The following AKT3 variants were observed in gnomAD, a reference collection of about 807,000 sequenced individuals.
The protein encoded by AKT3 is AKT serine/threonine kinase 3.
AKT3 carries 15 observed loss-of-function variants against 65.3 expected under a neutral mutation model. The ratio of observed to expected loss-of-function variants is 0.23; its 90% CI spans 0.15 to 0.35. The LOEUF is 0.35. Among genes scored for constraint, AKT3 ranks in the 10% least tolerant of loss-of-function variants. The probability of loss-of-function intolerance (pLI) is 1.00; values close to 1 mark genes in which losing one functional copy is unlikely to be tolerated. For synonymous variants in AKT3, 206 were observed against 183.8 expected (o/e 1.12, Z -0.98); for missense variants, 243 against 576.5 (o/e 0.42, Z 5.92).
intron 5 of AKT3, among the ~76,000 whole-genome samples, chr1:243,641,314 A>T (rs1427111111): frequency 1.3e-5 from 2 of 149,852 alleles, no homozygotes; most frequent in Non-Finnish European, 3.0e-5. Context: ...ATACATATAT[A>T]CACACATATA....
chr1:243,725,786 C>T (rs1479089716), intron 2 of AKT3, among the ~76,000 whole-genome samples: 1 of 152,042 alleles, frequency 6.6e-6, no homozygotes, highest in African/African-American at 2.4e-5. Context: ...ATAATTTCGA[C>T]GATTTAATGA....
intron 9 of AKT3, among the ~76,000 whole-genome samples, chr1:243,566,620 A>G (rs1362989296): frequency 6.6e-6 from 1 of 152,188 alleles, no homozygotes; most frequent in African/African-American, 2.4e-5. Flanking sequence ...GAGGGTTCAT[A>G]TTAAAATTTG....
chr1:243,807,327 T>C (rs1446169449), intron 2 of AKT3, among the ~76,000 whole-genome samples: 1 of 152,134 alleles, frequency 6.6e-6, no homozygotes, highest in East Asian at 1.9e-4. Flanking sequence ...ATCGGGTCAC[T>C]CCCACCCTAA....
chr1:243,613,579 A>T, intron 8 of AKT3, 92 bp downstream of exon 8: 1 of 935,720 alleles, frequency 1.1e-6, no homozygotes, highest in Non-Finnish European at 1.6e-6. Flanking sequence ...CAAGAAATGG[A>T]GAACTGCTAT....
chr1:243,572,034 G>A (rs542537331), intron 9 of AKT3, among the ~76,000 whole-genome samples: 25 of 152,272 alleles, frequency 1.6e-4, no homozygotes, highest in African/African-American at 5.8e-4. Flanking sequence ...GCAATTCTGT[G>A]TCAAATTTTA....
chr1:243,561,812 G>A (rs538407703), intron 10 of AKT3, among the ~76,000 whole-genome samples: 7 of 152,148 alleles, frequency 4.6e-5, no homozygotes, highest in Non-Finnish European at 8.8e-5. Flanking sequence ...CATCACTTTC[G>A]CTGAACATAG....
intron 2 of AKT3, among the ~76,000 whole-genome samples, chr1:243,816,854 G>A (rs1693556236): frequency 6.6e-6 from 1 of 152,190 alleles, no homozygotes; most frequent in South Asian, 2.1e-4. Flanking sequence ...ATGCTACCAT[G>A]GTGGATTACA....
chr1:243,698,913 CAAAA>C (rs536512566), intron 2 of AKT3, among the ~76,000 whole-genome samples: 10 of 115,476 alleles, frequency 8.7e-5, no homozygotes, highest in African/African-American at 5.9e-5. Flanking sequence ...GAGGCTGGAC[CAAAA>C]AAAAAAAAAA....
chr1:243,700,664 C>A (rs1685391554), intron 2 of AKT3, among the ~76,000 whole-genome samples: 1 of 152,020 alleles, frequency 6.6e-6, no homozygotes, highest in East Asian at 1.9e-4. Flanking sequence ...CCACCACACC[C>A]ACCCATTTTT....
At chr1:243,780,109 C>A (rs1690808994) in intron 2 of AKT3, among the ~76,000 whole-genome samples, 1 of 152,038 alleles carries the variant, frequency 6.6e-6, no homozygotes, top group African/African-American at 2.4e-5. Flanking sequence ...GTTTGAGGAG[C>A]AACCAGATAT....
rs547993985 is a variant in AKT3, at chr1:243,627,217, G to T, written c.561+10394C>A. 3.0e-4 allele frequency among the ~76,000 whole-genome samples: 46 copies of T among 152,170 alleles called. 2 individuals are homozygous for T. The South Asian group carries it at 9.3e-3, about 31-fold the overall frequency. ...AATCTAAAAGAGACATACTCAGCCA[G>T]ACATAGTGGCTCACACCTGTAATCC... is the stretch of plus-strand genomic sequence containing the variant. On this transcript the variant is annotated intron_variant, in intron 6 of 13. Transcript: ENST00000673466.
intron 4 of AKT3, among the ~76,000 whole-genome samples, chr1:243,649,520 G>A (rs190643865): frequency 8.6e-5 from 13 of 151,940 alleles, no homozygotes; most frequent in Middle Eastern, 3.4e-3. Flanking sequence ...CCATCAATCC[G>A]TCACCTATAT....
At chr1:243,771,886 A>G (rs927252238) in intron 2 of AKT3, among the ~76,000 whole-genome samples, 4 of 152,194 alleles carry the variant, frequency 2.6e-5, no homozygotes, top group Non-Finnish European at 4.4e-5. Context: ...ATAATACCAC[A>G]CATCTACAAC....
chr1:243,681,436 A>T (rs1002756402), intron 3 of AKT3, among the ~76,000 whole-genome samples: 2 of 152,178 alleles, frequency 1.3e-5, no homozygotes, highest in African/African-American at 4.8e-5. Flanking sequence ...TCTACAGATG[A>T]CAAAATTCTG....
chr1:243,507,214 G>A (rs1261145394), intron 13 of AKT3, among the ~76,000 whole-genome samples: 1 of 152,230 alleles, frequency 6.6e-6, no homozygotes, highest in African/African-American at 2.4e-5. Context: ...CCAGCCCGGC[G>A]AGGTTCAGCA....
chr1:243,591,807 T>C (rs1676248534), intron 8 of AKT3, among the ~76,000 whole-genome samples: 2 of 151,434 alleles, frequency 1.3e-5, no homozygotes, highest in African/African-American at 4.9e-5. Flanking sequence ...GAAGAAAGTA[T>C]TAGTAAACTT....
chr1:243,682,696 A>G (rs1367912234), intron 3 of AKT3, among the ~76,000 whole-genome samples: 2 of 152,216 alleles, frequency 1.3e-5, no homozygotes, highest in Non-Finnish European at 2.9e-5. Context: ...TGGAGCTTTC[A>G]TTCATTTCTG....
intron 12 of AKT3, among the ~76,000 whole-genome samples, chr1:243,538,559 T>C (rs1295335840): frequency 2.0e-5 from 3 of 152,116 alleles, no homozygotes; most frequent in Non-Finnish European, 2.9e-5. Context: ...TTAAATATAA[T>C]TGGCATAGGT....
chr1:243,539,362 A>G (rs1574566233), intron 12 of AKT3, among the ~76,000 whole-genome samples: 1 of 152,284 alleles, frequency 6.6e-6, no homozygotes, highest in Non-Finnish European at 1.5e-5. Flanking sequence ...GTAGCTTACT[A>G]TATTATAAAA....
Sources: gnomAD v4.1 joint callset for allele counts (sites outside exome capture counted in the v4.1 genomes callset) on GRCh38, gnomAD v4.1.1 for gene constraint, MANE v1.5 for transcripts, NCBI Gene and HGNC (gene_info 2026-07-23, HGNC 2026-07-21) for gene names.